The following ZNF512 variants were observed in gnomAD, a reference collection of about 807,000 sequenced individuals.
The protein encoded by ZNF512 is zinc finger protein 512.
In ZNF512, 25 loss-of-function variants were observed where a neutral mutation model predicts 77.5. The observed-to-expected ratio is 0.32, with a 90% CI of 0.23 to 0.45. The LOEUF is 0.45. Ranked by LOEUF, ZNF512 falls within the 20% of genes least tolerant of loss-of-function variation. ZNF512 has a pLI of 1.00. For synonymous variants in ZNF512, 246 were observed against 239.9 expected, an observed-to-expected ratio of 1.03 and a Z score of -0.24; for missense variants, 483 against 692.6, an observed-to-expected ratio of 0.70 and a Z score of 3.40.
chr2:27,613,169 A>G (rs898545947), intron 10 of ZNF512, among the ~76,000 whole-genome samples: 5 of 152,118 alleles, frequency 3.3e-5, no homozygotes, highest in African/African-American at 1.2e-4. Context: ...CTTACTACAG[A>G]TAATTTTTTT....
rs140152924 is a variant in ZNF512, at chr2:27,620,242, T to A, written c.1396-911T>A. 4.1e-3 allele frequency among the ~76,000 whole-genome samples: 620 copies of A among 152,356 alleles called. 7 individuals carry two copies. Among genetic ancestry groups the A allele is most frequent in the African/African-American group, 0.013 (520 of 41,580 alleles). ...CATAACAAGTCTTTGAGATTTGTTG[T>A]ATATTTTACATGAAAGCATATCTTA... On this transcript the variant is annotated intron_variant, in intron 13 of 13. Coordinates refer to ENST00000355467, the MANE Select transcript of ZNF512 (RefSeq NM_032434.4).
intron 2 of ZNF512, among the ~76,000 whole-genome samples, chr2:27,585,633 C>T (rs982568122): frequency 1.6e-4 from 24 of 151,976 alleles, no homozygotes; most frequent in African/African-American, 4.4e-4. Flanking sequence ...CAAAGGATAC[C>T]GAGATGAACT....
At chr2:27,586,315 C>T (rs1434201975) in intron 2 of ZNF512, among the ~76,000 whole-genome samples, 1 of 151,964 alleles carries the variant, frequency 6.6e-6, no homozygotes, top group Non-Finnish European at 1.5e-5. Flanking sequence ...CCACAACCTC[C>T]ACCTCCTGGG....
chr2:27,606,050 C>T (rs759744837), intron 9 of ZNF512, among the ~76,000 whole-genome samples: 59 of 152,124 alleles, frequency 3.9e-4, no homozygotes, highest in Non-Finnish European at 6.0e-4. Flanking sequence ...TTTCATTTCC[C>T]TAATGACTAA....
At chr2:27,602,361 C>T (rs1429524418) in intron 7 of ZNF512, 102 bp from the exon 8 acceptor site, 2 of 1,156,712 alleles carry the variant, frequency 1.7e-6, no homozygotes, top group East Asian at 2.6e-5. Flanking sequence ...TTGGCACCAG[C>T]TTAGCTGCCA....
intron 2 of ZNF512, among the ~76,000 whole-genome samples, chr2:27,594,357 G>A (rs531098620): frequency 9.8e-4 from 141 of 143,576 alleles, no homozygotes; most frequent in African/African-American, 3.5e-3. Context: ...GGGCGGAGGC[G>A]CTCCTCACCT....
rs1553352045 is a variant in ZNF512, at chr2:27,603,590, A to ATATATAT, written c.936+284_936+285insATATATT. ...TTTTATATAGTGTGTGTGTGTGTAT[A>ATATATAT]TTTTTTTTTTTTTTTTTCTTCAAGA... On this transcript the variant is annotated intron_variant, in intron 9 of 13. Transcript: ENST00000355467. 5.8e-4 allele frequency among the ~76,000 whole-genome samples: 50 copies of ATATATAT among 85,654 alleles called. 2 individuals are homozygous for ATATATAT. The highest frequency in any genetic ancestry group is 2.4e-3 in the African/African-American group (50 of 20,896). The allele number at this position is 85,654 out of a possible 152,430, so 56.2% of individuals were successfully genotyped here.
intron 2 of ZNF512, among the ~76,000 whole-genome samples, chr2:27,589,419 G>A (rs1671475478): frequency 6.6e-6 from 1 of 152,118 alleles, no homozygotes; most frequent in Admixed American, 6.5e-5. Flanking sequence ...ATTACTTAAT[G>A]TCTACATAAT....
At chr2:27,613,698 T>C (rs535782882) in intron 10 of ZNF512, among the ~76,000 whole-genome samples, 1 of 151,928 alleles carries the variant, frequency 6.6e-6, no homozygotes, top group Non-Finnish European at 1.5e-5. Context: ...CCTTGTTTGG[T>C]TGAAAAAATC....
intron 12 of ZNF512, 93 bp from the exon 13 acceptor site, chr2:27,617,380 T>G: frequency 1.4e-6 from 1 of 699,630 alleles, no homozygotes; most frequent in Non-Finnish European, 2.6e-6. Context: ...TGAAGTAGAA[T>G]TCCCTCTTTT....
rs761036642 is a variant in ZNF512, at chr2:27,583,161, C to T, written c.30+19C>T. 1.9e-6 allele frequency: 3 copies of T among 1,614,176 alleles called. No individual in the cohort carries two copies. In the South Asian group the frequency reaches 3.3e-5, roughly 18 times the overall value. ...ACCCGCCGTGAGTTTCTTGGTTTGA[C>T]CGTTATGCTTTAGAGGTAGCGCTGT... On this transcript the variant is annotated intron_variant, in intron 1 of 13. Coordinates refer to ENST00000355467, the MANE Select transcript of ZNF512 (RefSeq NM_032434.4).
At chr2:27,587,903 C>T (rs1172057725) in intron 2 of ZNF512, among the ~76,000 whole-genome samples, 1 of 152,070 alleles carries the variant, frequency 6.6e-6, no homozygotes, top group African/African-American at 2.4e-5. Context: ...TGGTCTCGAA[C>T]TCCCAACCTC....
chr2:27,618,888 T>C (rs1673008464), intron 13 of ZNF512, among the ~76,000 whole-genome samples: 1 of 152,136 alleles, frequency 6.6e-6, no homozygotes, highest in Non-Finnish European at 1.5e-5. Context: ...CAGAAACTAT[T>C]GCTGCCTGAT....
chr2:27,596,138 T>C (rs977882929), intron 2 of ZNF512, among the ~76,000 whole-genome samples: 1 of 152,232 alleles, frequency 6.6e-6, no homozygotes, highest in Non-Finnish European at 1.5e-5. Flanking sequence ...CTGTTCTTTA[T>C]GTCTTTGCTA....
chr2:27,587,789 C>G (rs974678144), intron 2 of ZNF512, among the ~76,000 whole-genome samples: 1 of 151,412 alleles, frequency 6.6e-6, no homozygotes, highest in African/African-American at 2.4e-5. Flanking sequence ...TCAAGCTATT[C>G]TTCTGCTCAC....
intron 9 of ZNF512, 103 bp from the exon 10 acceptor site, chr2:27,607,742 C>A: frequency 9.2e-7 from 1 of 1,081,630 alleles, no homozygotes; most frequent in Non-Finnish European, 1.4e-6. Context: ...CAATCTACTA[C>A]ATAGCTCTTT....
intron 2 of ZNF512, among the ~76,000 whole-genome samples, chr2:27,593,240 ACAC>A (rs1671680865): frequency 8.8e-5 from 13 of 148,324 alleles, no homozygotes; most frequent in South Asian, 2.1e-4. Flanking sequence ...ACACACACAC[ACAC>A]ACAAAAGAAT....
chr2:27,595,516 G>A lies in ZNF512; in HGVS notation c.90-2551G>A, dbSNP rs142175631. ...ATTCTTTTGTATTTTTAGTAGAGAC[G>A]GGGTTTCACTATGCTGATCAGGCTG... On this transcript the variant is annotated intron_variant, in intron 2 of 13. Coordinates refer to ENST00000355467, the MANE Select transcript of ZNF512 (RefSeq NM_032434.4). Among the ~76,000 whole-genome samples, 1,354 of 152,000 alleles carry A rather than the reference G, an allele frequency of 8.9e-3. 19 individuals are homozygous for A. The highest frequency in any genetic ancestry group is 0.03 in the African/African-American group (1,230 of 41,470).
At chr2:27,596,160 G>T (rs1671859816) in intron 2 of ZNF512, among the ~76,000 whole-genome samples, 1 of 152,140 alleles carries the variant, frequency 6.6e-6, no homozygotes. Flanking sequence ...GTTGATTTGA[G>T]CTGTCCCAAA....
Sources: gnomAD v4.1 joint callset for allele counts (sites outside exome capture counted in the v4.1 genomes callset) on GRCh38, gnomAD v4.1.1 for gene constraint, MANE v1.5 for transcripts, NCBI Gene and HGNC (gene_info 2026-07-23, HGNC 2026-07-21) for gene names.